Variants in CORO1A observed in about 807,000 individuals in gnomAD.
CORO1A encodes coronin 1A.
Under a neutral mutation model 44.1 loss-of-function variants are expected in CORO1A, and 17 were observed. The observed-to-expected ratio is 0.39, with a 90% CI of 0.26 to 0.58. The LOEUF is 0.58. Among genes scored for constraint, CORO1A ranks in the 20% least tolerant of loss-of-function variants. The probability of loss-of-function intolerance (pLI) is 0.62; values close to 1 mark genes in which losing one functional copy is unlikely to be tolerated. For missense variants in CORO1A, 415 were observed against 606.5 expected, an observed-to-expected ratio of 0.68 and a Z score of 3.32; for synonymous variants, 271 against 244.2, an observed-to-expected ratio of 1.11 and a Z score of -1.02.
At chr16:30,188,624 G>A (rs1360890875) in intron 10 of CORO1A, 48 bp downstream of exon 10, 1 of 934,538 alleles carries the variant, frequency 1.1e-6, no homozygotes, top group Admixed American at 2.1e-5. Context: ...GGTGGGGTGG[G>A]GCTGGTGTTT....
intron 2 of CORO1A, 171 bp from the exon 3 acceptor site, chr16:30,186,427 T>G: frequency 1.2e-5 from 9 of 750,418 alleles, no homozygotes; most frequent in Non-Finnish European, 1.3e-5. Context: ...CCCAGGCCAT[T>G]TTGGGACTGG....
rs2073374467 is a variant in CORO1A at position 30,188,487 on chromosome 16, C to T, written c.1192C>T (p.Pro398Ser). The change falls in exon 10 of 11, where the codon CCC (proline) becomes TCC (serine). Residue 398 changes from proline to serine, a missense_variant. By Grantham distance (74) the Pro-to-Ser change is moderately conservative (BLOSUM62 -1). Around this residue, in one of 2 missense-constraint regions of CORO1A, gnomAD observed 90 missense variants for 84.7 expected, o/e 1.06. Transcript: ENST00000219150. ...CATCTCCCTCAAGGATGGCTACGTA[C>T]CCCCAAAGAGCCGGGAGCTGAGGGT... ...LLISLKDGYV[P>S]PKSRELRVNR... The T allele has an allele frequency of 6.2e-7, 1 of 1,613,234 alleles. No individual in the cohort carries two copies. The highest frequency in any genetic ancestry group is 1.1e-5 in the South Asian group (1 of 91,078).
At position 30,187,107 on chromosome 16, in the gene CORO1A, G is replaced by T; in HGVS notation, c.520G>T (p.Val174Leu). The T allele has an allele frequency of 6.2e-7, 1 of 1,614,112 alleles. No individual in the cohort carries two copies. Among genetic ancestry groups the T allele is most frequent in the Non-Finnish European group, 8.5e-7 (1 of 1,180,000 alleles). ...GAAMLTLGPE[V>L]HPDTIYSVDW... ...GGCCATGCTGACACTGGGCCCAGAG[G>T]TGCACCCAGACACGATCTACAGTGT... The change falls in exon 5 of 11, where the codon GTG (valine) becomes TTG (leucine). Residue 174 changes from valine (V) to leucine (L), a missense_variant. Val to Leu is a conservative substitution (Grantham distance 32). Coordinates refer to ENST00000219150, the MANE Select transcript of CORO1A (RefSeq NM_007074.4).
At position 30,184,754 on chromosome 16, in the gene CORO1A, C is replaced by T. The variant is rs1005996599; in HGVS notation, c.-1-455C>T. 2 of 272,560 alleles carry T rather than the reference C, an allele frequency of 7.3e-6. No individual in the cohort carries two copies. The highest frequency in any genetic ancestry group is 2.2e-5 in the African/African-American group (1 of 45,030). 16.9% of individuals were successfully genotyped at this position (272,560 alleles called of 1,614,324 possible). On this transcript the variant is annotated intron_variant, in intron 1 of 10. Coordinates refer to ENST00000219150, the MANE Select transcript of CORO1A (RefSeq NM_007074.4). The surrounding 1 kb of genome is among the most constrained non-coding windows in gnomAD (Gnocchi z 4.3). ...TGCCAGCAGGCGAGGGAGGCCAGCT[C>T]CTGTCCCTGCCTTTAGGAAGCGCTG...
At chr16:30,188,650 C>T (rs555188637) in intron 10 of CORO1A, 74 bp downstream of exon 10, 2 of 1,168,426 alleles carry the variant, frequency 1.7e-6, no homozygotes, top group East Asian at 2.6e-5. Context: ...ACCTCAAACT[C>T]ACAACATTGG....
rs199650298 is a variant in CORO1A at position 30,187,811 on chromosome 16, C to T, written c.843C>T (p.Ile281=). ...LLPFFDPDTN[I]VYLCGKGDSS... ...CCTTCTTTGACCCTGACACCAACAT[C>T]GTCTACCTCTGTGGCAAGGTGGCCT... is the stretch of plus-strand genomic sequence containing the variant. Residue 281 remains isoleucine, a synonymous_variant, in exon 7 of 11, where the codon ATC becomes ATT. Coordinates refer to ENST00000219150, the MANE Select transcript of CORO1A (RefSeq NM_007074.4). The T allele has an allele frequency of 1.1e-3, 1,734 of 1,554,896 alleles. 33 individuals are homozygous for T. In the South Asian group the frequency reaches 0.018, roughly 16 times the overall value.
chr16:30,186,505 G>C, intron 2 of CORO1A, 93 bp from the exon 3 acceptor site: 8 of 1,458,840 alleles, frequency 5.5e-6, no homozygotes, highest in Non-Finnish European at 7.7e-6. Context: ...GGACACCACA[G>C]CTTTCCTCTC....
At chr16:30,185,628 T>TG in intron 2 of CORO1A, 1 of 596,018 alleles carries the variant, frequency 1.7e-6, no homozygotes, top group South Asian at 2.0e-5. Context: ...GTCACACCAG[T>TG]GACCAGGACT....
chr16:30,188,163 G>A (rs2073365990), intron 8 of CORO1A, 29 bp from the exon 9 acceptor site: 3 of 1,613,964 alleles, frequency 1.9e-6, no homozygotes, highest in Non-Finnish European at 2.5e-6. Context: ...ACCAGACTGT[G>A]GGCCCCGCTC....
rs2073373494 is a variant in CORO1A at position 30,188,448 on chromosome 16, G to A, written c.1153G>A (p.Ala385Thr). ...TAEEWLGGRD[A>T]GPLLISLKDG... ...TGAGGAGTGGCTGGGGGGTCGGGAT[G>A]CTGGGCCCCTCCTCATCTCCCTCAA... Residue 385 changes from alanine to threonine, a missense_variant, in exon 10 of 11, where the codon GCT becomes ACT. Ala to Thr is a moderately conservative substitution (Grantham distance 58). This residue lies in a region of CORO1A where 90 missense variants were observed against 84.7 expected (regional missense o/e 1.06). Transcript: ENST00000219150. The A allele has an allele frequency of 1.2e-6, 2 of 1,613,400 alleles. No individual in the cohort carries two copies. Among genetic ancestry groups the A allele is most frequent in the Non-Finnish European group, 1.7e-6 (2 of 1,179,952 alleles).
At chr16:30,186,570 C>G (rs949702427) in intron 2 of CORO1A, 28 bp from the exon 3 acceptor site, 1 of 1,611,836 alleles carries the variant, frequency 6.2e-7, no homozygotes, top group African/African-American at 1.3e-5. Context: ...GAGGCAAAAG[C>G]ACCTCCAAGG....
At position 30,184,818 on chromosome 16, in the gene CORO1A, A is replaced by G; in HGVS notation, c.-1-391A>G. Reference sequence around the variant, plus strand: ...GAGGTGGGCTCTGGACACGGTAACTAAGAGAGAACCCACCCTCGGAGCCAT... The same window carrying G: ...GAGGTGGGCTCTGGACACGGTAACTGAGAGAGAACCCACCCTCGGAGCCAT... On this transcript the variant is annotated intron_variant, in intron 1 of 10. Transcript: ENST00000219150. This position sits in a 1 kb window ranked among gnomAD's most constrained non-coding sequence, Gnocchi z 4.3. The G allele has an allele frequency of 2.9e-6, 1 of 344,178 alleles. No homozygotes were observed. The highest frequency in any genetic ancestry group is 2.4e-5 in the South Asian group (1 of 41,094). The allele number at this position is 344,178 out of a possible 1,614,324, so 21.3% of individuals were successfully genotyped here. A position where few individuals can be genotyped will look rare whatever the true frequency, so the allele number is the denominator to read the frequency against.
chr16:30,188,065 G>A lies in CORO1A; in HGVS notation c.985G>A (p.Val329Met). ...CTACATGCCCAAACGTGGCCTGGAG[G>A]TGAACAAGTGTGAGATCGCCAGGTG... ...MGYMPKRGLE[V>M]NKCEIARFYK... Residue 329 changes from valine (V) to methionine (M), a missense_variant, in exon 8 of 11, where the codon GTG (valine) becomes ATG (methionine). Val to Met is a conservative substitution (Grantham distance 21). Around this residue, in one of 2 missense-constraint regions of CORO1A, gnomAD observed 325 missense variants for 521.7 expected, o/e 0.62. Coordinates refer to ENST00000219150, the MANE Select transcript of CORO1A (RefSeq NM_007074.4). 1 of 1,613,780 alleles carries A rather than the reference G, an allele frequency of 6.2e-7. No individual in the cohort carries two copies. Among genetic ancestry groups the A allele is most frequent in the Non-Finnish European group, 8.5e-7 (1 of 1,180,024 alleles).
In CORO1A at chr16:30,184,976, G is replaced by A. The variant is rs941091233; in HGVS notation, c.-1-233G>A. ...TGCAGAGGCTGAGGGTACAGATTGA[G>A]AGGGTGGCTCAGAGTGGCCTGGGGC... On this transcript the variant is annotated intron_variant, in intron 1 of 10. Transcript: ENST00000219150. This position sits in a 1 kb window ranked among gnomAD's most constrained non-coding sequence, Gnocchi z 4.3. 6.6e-6 allele frequency: 4 copies of A among 608,824 alleles called. No homozygotes were observed. The Admixed American group carries it at 1.1e-4, about 17-fold the overall frequency. The allele number at this position is 608,824 out of a possible 1,614,324, so 37.7% of individuals were successfully genotyped here. A position where few individuals can be genotyped will look rare whatever the true frequency, so the allele number is the denominator to read the frequency against.
chr16:30,188,764 G>A, intron 10 of CORO1A, 96 bp from the exon 11 acceptor site: 1 of 550,354 alleles, frequency 1.8e-6, no homozygotes, highest in Non-Finnish European at 3.1e-6. Context: ...AGCGACTAAA[G>A]GGCCCAAGGC....
chr16:30,185,548 C>G (rs1246491405), intron 2 of CORO1A, 141 bp downstream of exon 2: 5 of 692,914 alleles, frequency 7.2e-6, no homozygotes, highest in Non-Finnish European at 1.2e-5. Context: ...ATGAGCCTTA[C>G]ACTTCCTCCA....
intron 5 of CORO1A, 48 bp downstream of exon 5, chr16:30,187,271 C>T: frequency 1.2e-6 from 2 of 1,605,692 alleles, no homozygotes; most frequent in East Asian, 2.2e-5. Flanking sequence ...CTTTATCCTT[C>T]TTATCCACCA....
At chr16:30,188,771 A>T in intron 10 of CORO1A, 89 bp from the exon 11 acceptor site, 1 of 537,730 alleles carries the variant, frequency 1.9e-6, no homozygotes, top group South Asian at 2.0e-5. Context: ...AAAGGGCCCA[A>T]GGCCAGGGCT....
chr16:30,184,911 C>A lies in CORO1A; in HGVS notation c.-1-298C>A. The A allele has an allele frequency of 1.9e-6, 1 of 521,218 alleles. No homozygotes were observed. Among genetic ancestry groups the A allele is most frequent in the Non-Finnish European group, 3.5e-6 (1 of 286,656 alleles). 32.3% of individuals were successfully genotyped at this position (521,218 alleles called of 1,614,324 possible). A position where few individuals can be genotyped will look rare whatever the true frequency, so the allele number is the denominator to read the frequency against. ...GCTCTGCATCCATCAGCCAGTCAGT[C>A]AACAAACATGCAGTGGGGCAACACC... On this transcript the variant is annotated intron_variant, in intron 1 of 10. Coordinates refer to ENST00000219150, the MANE Select transcript of CORO1A (RefSeq NM_007074.4). This position sits in a 1 kb window ranked among gnomAD's most constrained non-coding sequence, Gnocchi z 4.3.
Sources: gnomAD v4.1 joint callset for allele counts on GRCh38, gnomAD v4.1.1 for gene constraint, gnomAD v4.1.1 regional missense constraint, Gnocchi (gnomAD v3.1) non-coding constraint, MANE v1.5 for transcripts, NCBI Gene and HGNC (gene_info 2026-07-23, HGNC 2026-07-21) for gene names.